The following NCMAP variants were observed in gnomAD, a reference collection of about 807,000 sequenced individuals.
The protein encoded by NCMAP is noncompact myelin-associated protein.
Under a neutral mutation model 7.8 loss-of-function variants are expected in NCMAP, and 8 were observed. The ratio of observed to expected loss-of-function variants is 1.02; its 90% CI spans 0.60 to 1.84. The LOEUF is 1.84. Ranked by LOEUF, NCMAP falls within the 40% of genes most tolerant of loss-of-function variation. NCMAP has a pLI of 0.00. For synonymous variants in NCMAP, 41 were observed against 52.9 expected (o/e 0.78, Z 0.98); for missense variants, 112 against 131.4 (o/e 0.85, Z 0.72).
At chr1:24,598,704 A>G in intron 2 of NCMAP, among the ~76,000 whole-genome samples, 1 of 150,610 alleles carries the variant, frequency 6.6e-6, no homozygotes. Context: ...ATCTCGGCTC[A>G]CTGCCTCACT....
At chr1:24,564,524 A>AC (rs1557592393) in intron 1 of NCMAP, among the ~76,000 whole-genome samples, 9 of 148,526 alleles carry the variant, frequency 6.1e-5, no homozygotes, top group Non-Finnish European at 4.5e-5. Context: ...AAAAAAAAAA[A>AC]AAAAAAAACA....
intron 1 of NCMAP, among the ~76,000 whole-genome samples, chr1:24,564,577 A>G (rs1458315654): frequency 6.7e-6 from 1 of 150,368 alleles, no homozygotes; most frequent in Non-Finnish European, 1.5e-5. Context: ...TATGATTCCC[A>G]AAAGGAAAGA....
intron 1 of NCMAP, among the ~76,000 whole-genome samples, chr1:24,584,910 T>C (rs1279407080): frequency 7.4e-6 from 1 of 134,780 alleles, no homozygotes; most frequent in African/African-American, 2.8e-5. Context: ...ATTGATTGAA[T>C]GGATGGGAGG....
At chr1:24,596,817 C>A (rs1449000905) in intron 2 of NCMAP, among the ~76,000 whole-genome samples, 2 of 152,172 alleles carry the variant, frequency 1.3e-5, no homozygotes, top group African/African-American at 4.8e-5. Context: ...GAGGCATTTG[C>A]CGTGAACTAG....
chr1:24,603,371 A>T (rs187468380), intron 3 of NCMAP, among the ~76,000 whole-genome samples: 22 of 149,906 alleles, frequency 1.5e-4, no homozygotes, highest in Admixed American at 8.6e-4. Context: ...AAAATTATTT[A>T]AAAAAAAATT....
At chr1:24,593,069 G>A (rs923078784) in intron 1 of NCMAP, among the ~76,000 whole-genome samples, 2 of 151,430 alleles carry the variant, frequency 1.3e-5, no homozygotes, top group Admixed American at 1.3e-4. Flanking sequence ...TCCCAGCTAC[G>A]TGGGAGGCTG....
At chr1:24,604,445 G>A (rs1367194045) in intron 3 of NCMAP, among the ~76,000 whole-genome samples, 1 of 148,882 alleles carries the variant, frequency 6.7e-6, no homozygotes, top group Non-Finnish European at 1.5e-5. Context: ...GCATGGTGGT[G>A]TGCACCTGTA....
chr1:24,565,998 C>G (rs1455835864), intron 1 of NCMAP, among the ~76,000 whole-genome samples: 1 of 152,074 alleles, frequency 6.6e-6, no homozygotes, highest in East Asian at 1.9e-4. Context: ...CTTCCCCTTT[C>G]GCTTGGCACC....
At position 24,571,856 on chromosome 1, in the gene NCMAP, G is replaced by A. The variant is rs544007187; in HGVS notation, c.-8+15687G>A. Among the ~76,000 whole-genome samples, 148 of 151,054 alleles carry A rather than the reference G, an allele frequency of 9.8e-4. 9 individuals are homozygous for A. Among genetic ancestry groups the A allele is most frequent in the African/African-American group, 3.5e-3 (143 of 40,338 alleles). ...CTGCCTCGGCCTCCCAAAGTGCTGG[G>A]ATTACAGGCGTAAGCCACCGCGCCT... On this transcript the variant is annotated intron_variant, in intron 1 of 3. Coordinates refer to ENST00000374392, the MANE Select transcript of NCMAP (RefSeq NM_001010980.5).
chr1:24,591,735 C>A (rs1652055496), intron 1 of NCMAP, among the ~76,000 whole-genome samples: 1 of 152,048 alleles, frequency 6.6e-6, no homozygotes, highest in African/African-American at 2.4e-5. Context: ...GAGCTTGAGT[C>A]TGGGAGTCCG....
intron 1 of NCMAP, among the ~76,000 whole-genome samples, chr1:24,591,806 G>A (rs1406954767): frequency 1.3e-5 from 2 of 152,110 alleles, no homozygotes; most frequent in African/African-American, 2.4e-5. Context: ...GCAGGGCCCC[G>A]GATTAAGGGA....
At chr1:24,585,503 G>T (rs924241756) in intron 1 of NCMAP, among the ~76,000 whole-genome samples, 2 of 152,142 alleles carry the variant, frequency 1.3e-5, no homozygotes, top group East Asian at 1.9e-4. Context: ...GGAAGACACT[G>T]GTTCTTGTGA....
intron 1 of NCMAP, among the ~76,000 whole-genome samples, chr1:24,558,371 C>T (rs1650965047): frequency 6.6e-6 from 1 of 152,216 alleles, no homozygotes; most frequent in Non-Finnish European, 1.5e-5. Context: ...GGAATGCATC[C>T]ACCCAGGCTG....
chr1:24,594,168 C>T (rs573239255), intron 1 of NCMAP, among the ~76,000 whole-genome samples: 141 of 152,088 alleles, frequency 9.3e-4, no homozygotes, highest in African/African-American at 3.1e-3. Flanking sequence ...CTGAGATTAC[C>T]GGCATAAGCC....
intron 1 of NCMAP, among the ~76,000 whole-genome samples, chr1:24,568,627 A>G (rs1651295661): frequency 6.6e-6 from 1 of 152,100 alleles, no homozygotes; most frequent in Non-Finnish European, 1.5e-5. Context: ...TCCTGTTATT[A>G]CCTCCACTTT....
chr1:24,568,478 G>A (rs916566130), intron 1 of NCMAP, among the ~76,000 whole-genome samples: 2 of 152,186 alleles, frequency 1.3e-5, no homozygotes, highest in Non-Finnish European at 2.9e-5. Flanking sequence ...GTGGCTGGGG[G>A]TTTGGGGAGA....
At chr1:24,570,554 T>G (rs2148927486) in intron 1 of NCMAP, among the ~76,000 whole-genome samples, 1 of 151,094 alleles carries the variant, frequency 6.6e-6, no homozygotes, top group South Asian at 2.1e-4. Context: ...TAGAACTAAG[T>G]ACATACAAGC....
At chr1:24,605,318 T>C (rs1223186280) in intron 3 of NCMAP, among the ~76,000 whole-genome samples, 1 of 152,154 alleles carries the variant, frequency 6.6e-6, no homozygotes, top group African/African-American at 2.4e-5. Flanking sequence ...ATAAAAAATG[T>C]AATATCTTTA....
intron 1 of NCMAP, among the ~76,000 whole-genome samples, chr1:24,585,008 G>T (rs1170952576): frequency 6.6e-6 from 1 of 151,766 alleles, no homozygotes; most frequent in Non-Finnish European, 1.5e-5. Flanking sequence ...TGGATAGCAG[G>T]ATGAAAGAAT....
Sources: allele counts gnomAD v4.1 joint callset (sites outside exome capture counted in the v4.1 genomes callset), GRCh38; gene constraint gnomAD v4.1.1; transcripts MANE v1.5; gene names NCBI Gene and HGNC (gene_info 2026-07-23, HGNC 2026-07-21).